Variants in GRID1 observed in about 807,000 individuals in gnomAD.
GRID1 encodes the protein glutamate receptor ionotropic, delta-1.
In GRID1, 28 loss-of-function variants were observed where a neutral mutation model predicts 98.0. That is an observed-to-expected ratio of 0.29 (90% confidence interval 0.21 to 0.39). GRID1 has a LOEUF of 0.39. GRID1 is among the 10% of genes least tolerant of loss of function. GRID1 has a pLI of 1.00. For missense variants in GRID1, 1,111 were observed against 1,340.5 expected, an observed-to-expected ratio of 0.83 and a Z score of 2.67; for synonymous variants, 553 against 538.5, an observed-to-expected ratio of 1.03 and a Z score of -0.37.
chr10:86,175,431 C>T (rs1845561474), intron 3 of GRID1, among the ~76,000 whole-genome samples: 1 of 152,120 alleles, frequency 6.6e-6, no homozygotes, highest in African/African-American at 2.4e-5. Flanking sequence ...ATGATCCCTC[C>T]TTCAATGGCC....
intron 13 of GRID1, among the ~76,000 whole-genome samples, chr10:85,637,364 G>C (rs993352019): frequency 1.3e-5 from 2 of 152,172 alleles, no homozygotes; most frequent in African/African-American, 4.8e-5. Flanking sequence ...ATATGGACTG[G>C]GGGAGATTTG....
chr10:86,357,477 G>A lies in GRID1; in HGVS notation c.235+6464C>T, dbSNP rs1348986863. On this transcript the variant is annotated intron_variant, in intron 2 of 15. Coordinates refer to ENST00000327946, the MANE Select transcript of GRID1 (RefSeq NM_017551.3). ...CTAGAGGGCTAAGCCATGGCAATAAGGAATGAAGGGAGCCTCTTGAACCCA... is the reference window on the plus strand; with the variant it reads ...CTAGAGGGCTAAGCCATGGCAATAAAGAATGAAGGGAGCCTCTTGAACCCA... 2.0e-5 allele frequency among the ~76,000 whole-genome samples: 3 copies of A among 152,248 alleles called. No individual in the cohort carries two copies. The East Asian group carries it at 5.8e-4, about 29-fold the overall frequency.
rs909541740 is a variant in GRID1 at position 85,601,121 on chromosome 10, C to T, written c.*1152G>A. 1.3e-5 allele frequency: 2 copies of T among 152,324 alleles called. No individual in the cohort carries two copies. The highest frequency in any genetic ancestry group is 2.4e-5 in the African/African-American group (1 of 41,412). 9.4% of individuals were successfully genotyped at this position (152,324 alleles called of 1,614,324 possible). Reference sequence around the variant, plus strand: ...GGCGCAAGGCAAGGCTTCCTCCTACCCAAATAAACATGGTCTCTTTTCTCT... The same window carrying T: ...GGCGCAAGGCAAGGCTTCCTCCTACTCAAATAAACATGGTCTCTTTTCTCT... On this transcript the variant is annotated 3_prime_UTR_variant, in exon 16 of 16. Transcript: ENST00000327946.
At chr10:85,799,791 C>G (rs543859099) in intron 8 of GRID1, among the ~76,000 whole-genome samples, 6 of 152,016 alleles carry the variant, frequency 3.9e-5, no homozygotes, top group African/African-American at 1.4e-4. Context: ...ACTTCTGGTG[C>G]TCAGTTGCAT....
intron 4 of GRID1, among the ~76,000 whole-genome samples, chr10:85,985,481 T>C (rs778919980): frequency 1.2e-4 from 18 of 152,196 alleles, no homozygotes; most frequent in Non-Finnish European, 2.2e-4. Context: ...ACGGTCACCT[T>C]CAGAGGCCAG....
chr10:86,359,228 G>A (rs1303484244), intron 2 of GRID1, among the ~76,000 whole-genome samples: 1 of 152,232 alleles, frequency 6.6e-6, no homozygotes, highest in Admixed American at 6.5e-5. Context: ...CACACTCAGA[G>A]AGCCTCTGAT....
intron 8 of GRID1, among the ~76,000 whole-genome samples, chr10:85,841,180 G>A (rs61966360): frequency 6.6e-6 from 1 of 151,852 alleles, no homozygotes; most frequent in Non-Finnish European, 1.5e-5. Context: ...CCACAAATAA[G>A]TCCACACACA....
At chr10:85,904,298 C>T (rs1227209160) in intron 5 of GRID1, among the ~76,000 whole-genome samples, 1 of 152,150 alleles carries the variant, frequency 6.6e-6, no homozygotes, top group Admixed American at 6.5e-5. Flanking sequence ...GAATAGCGAT[C>T]CTTCAAGACA....
intron 4 of GRID1, among the ~76,000 whole-genome samples, chr10:86,033,269 G>T (rs1009597229): frequency 2.6e-5 from 4 of 152,070 alleles, no homozygotes; most frequent in African/African-American, 7.2e-5. Flanking sequence ...GTAACAAATT[G>T]CCCATGATCT....
intron 3 of GRID1, among the ~76,000 whole-genome samples, chr10:86,200,528 GACA>G (rs1457936858): frequency 6.6e-6 from 1 of 152,174 alleles, no homozygotes; most frequent in Non-Finnish European, 1.5e-5. Flanking sequence ...TAGCCAGGTG[GACA>G]ATATCTGCCC....
chr10:86,332,584 T>G (rs1848161135), intron 2 of GRID1, among the ~76,000 whole-genome samples: 1 of 152,010 alleles, frequency 6.6e-6, no homozygotes, highest in African/African-American at 2.4e-5. Flanking sequence ...CCACTTGAAC[T>G]CAGCTCCCTG....
intron 13 of GRID1, among the ~76,000 whole-genome samples, chr10:85,623,737 C>T (rs1316408617): frequency 6.6e-6 from 1 of 152,246 alleles, no homozygotes; most frequent in Non-Finnish European, 1.5e-5. Context: ...ATCAGGAAAG[C>T]ATGTCTACCC....
At chr10:85,642,690 C>T (rs1448971140) in intron 13 of GRID1, among the ~76,000 whole-genome samples, 1 of 152,180 alleles carries the variant, frequency 6.6e-6, no homozygotes, top group Non-Finnish European at 1.5e-5. Flanking sequence ...TTCATCTTTG[C>T]CTCATCAAAG....
chr10:86,072,130 G>A (rs1475104623), intron 4 of GRID1, among the ~76,000 whole-genome samples: 1 of 152,150 alleles, frequency 6.6e-6, no homozygotes, highest in Non-Finnish European at 1.5e-5. Context: ...CATTATTCTG[G>A]GGTCGTCAGG....
intron 2 of GRID1, among the ~76,000 whole-genome samples, chr10:86,241,728 C>A (rs1167521740): frequency 6.6e-6 from 1 of 152,198 alleles, no homozygotes; most frequent in Non-Finnish European, 1.5e-5. Flanking sequence ...TATGAGTGAT[C>A]TAGTGCAAGT....
chr10:85,743,114 C>CG (rs1554828640), intron 8 of GRID1, among the ~76,000 whole-genome samples: 2 of 134,368 alleles, frequency 1.5e-5, no homozygotes, highest in South Asian at 3.0e-4. Flanking sequence ...AGCCCCCCCC[C>CG]CCACCACCCA....
chr10:86,322,137 G>C (rs1847979099), intron 2 of GRID1, among the ~76,000 whole-genome samples: 1 of 152,104 alleles, frequency 6.6e-6, no homozygotes, highest in African/African-American at 2.4e-5. Flanking sequence ...AAAAGGGGCT[G>C]AATAGCAGCA....
chr10:86,228,414 G>T (rs1846392559), intron 2 of GRID1, among the ~76,000 whole-genome samples: 1 of 152,084 alleles, frequency 6.6e-6, no homozygotes, highest in Non-Finnish European at 1.5e-5. Context: ...CAACCACAAA[G>T]GCACTTAGAA....
At chr10:86,142,481 C>CCA (rs1410164772) in intron 3 of GRID1, among the ~76,000 whole-genome samples, 1 of 152,270 alleles carries the variant, frequency 6.6e-6, no homozygotes, top group Non-Finnish European at 1.5e-5. Context: ...GCTTCTGCAG[C>CCA]CCTGCCTCTT....
Sources: gnomAD v4.1 joint callset for allele counts (sites outside exome capture counted in the v4.1 genomes callset) on GRCh38, gnomAD v4.1.1 for gene constraint, MANE v1.5 for transcripts, NCBI Gene and HGNC (gene_info 2026-07-23, HGNC 2026-07-21) for gene names.